KCNQ5: variants seen among roughly 807,000 people sequenced by gnomAD.
KCNQ5 encodes the protein potassium voltage-gated channel subfamily KQT member 5.
In KCNQ5, 30 loss-of-function variants were observed where a neutral mutation model predicts 98.2. That is an observed-to-expected ratio of 0.31 (90% CI 0.23 to 0.41). The LOEUF (loss-of-function observed/expected upper bound fraction) is 0.41, where lower values mean the gene tolerates loss of function less well. KCNQ5 is among the 10% of genes least tolerant of loss of function. The probability of loss-of-function intolerance (pLI) is 1.00; values close to 1 mark genes in which losing one functional copy is unlikely to be tolerated. For missense variants in KCNQ5, 835 were observed against 1,182.5 expected (o/e 0.71, Z 4.31); for synonymous variants, 458 against 449.4 (o/e 1.02, Z -0.24).
At chr6:73,166,437 A>C (rs1651610806) in intron 10 of KCNQ5, among the ~76,000 whole-genome samples, 1 of 94,332 alleles carries the variant, frequency 1.1e-5, no homozygotes, top group African/African-American at 5.2e-5. Context: ...CTCTGTCTCA[A>C]AATAAAAAAA....
intron 1 of KCNQ5, chr6:72,987,664 G>A (rs1448464177): frequency 3.3e-6 from 2 of 614,632 alleles, no homozygotes; most frequent in Non-Finnish European, 5.9e-6. Flanking sequence ...GTACAGCCGC[G>A]GAGCCCGTCT....
chr6:73,026,072 T>A (rs1770877094), intron 2 of KCNQ5, among the ~76,000 whole-genome samples: 1 of 152,226 alleles, frequency 6.6e-6, no homozygotes, highest in African/African-American at 2.4e-5. Context: ...CCAGTTTCCA[T>A]GCCCTGATCC....
chr6:73,146,829 A>G (rs1258451331), intron 10 of KCNQ5, among the ~76,000 whole-genome samples: 1 of 152,068 alleles, frequency 6.6e-6, no homozygotes, highest in Non-Finnish European at 1.5e-5. Context: ...ATTCTAGTCT[A>G]TGAGTTTACC....
intron 1 of KCNQ5, among the ~76,000 whole-genome samples, chr6:72,978,776 C>T (rs1768280449): frequency 1.3e-5 from 2 of 152,186 alleles, no homozygotes; most frequent in Non-Finnish European, 2.9e-5. Flanking sequence ...TTGCTGCACC[C>T]ATTAACTCGT....
intron 1 of KCNQ5, among the ~76,000 whole-genome samples, chr6:72,695,298 C>A (rs1238690854): frequency 6.6e-6 from 1 of 152,050 alleles, no homozygotes; most frequent in Non-Finnish European, 1.5e-5. Flanking sequence ...TTCAAAAGGA[C>A]CTTAGTTTTT....
At chr6:72,861,369 A>G (rs1777756398) in intron 1 of KCNQ5, among the ~76,000 whole-genome samples, 1 of 152,194 alleles carries the variant, frequency 6.6e-6, no homozygotes. Flanking sequence ...TGAAATATGT[A>G]GAAGAAAGAC....
intron 1 of KCNQ5, among the ~76,000 whole-genome samples, chr6:72,713,980 T>C (rs1769507968): frequency 6.6e-6 from 1 of 152,202 alleles, no homozygotes; most frequent in South Asian, 2.1e-4. Context: ...TTTCCCTAAC[T>C]GGAATGAGTT....
chr6:73,098,768 GA>G (rs1286086593), intron 5 of KCNQ5, among the ~76,000 whole-genome samples: 1 of 152,000 alleles, frequency 6.6e-6, no homozygotes, highest in Non-Finnish European at 1.5e-5. Flanking sequence ...TCTTTAGTTT[GA>G]AAGAAAAAAG....
intron 1 of KCNQ5, among the ~76,000 whole-genome samples, chr6:72,772,902 C>G (rs146936283): frequency 6.6e-6 from 1 of 152,222 alleles, no homozygotes; most frequent in Non-Finnish European, 1.5e-5. Context: ...GTCTGCACAC[C>G]TACCACACCT....
At chr6:73,107,466 G>A (rs1775050457) in intron 6 of KCNQ5, among the ~76,000 whole-genome samples, 1 of 152,186 alleles carries the variant, frequency 6.6e-6, no homozygotes, top group Admixed American at 6.5e-5. Flanking sequence ...TCTGTGAGTA[G>A]CAAGCAGACA....
chr6:73,029,464 C>G (rs1234375605), intron 2 of KCNQ5, among the ~76,000 whole-genome samples: 1 of 150,470 alleles, frequency 6.6e-6, no homozygotes, highest in Admixed American at 6.7e-5. Context: ...TTGGAAATTG[C>G]CCAGGTAGTT....
intron 1 of KCNQ5, among the ~76,000 whole-genome samples, chr6:72,832,473 C>T (rs1026009083): frequency 3.3e-5 from 5 of 152,044 alleles, no homozygotes; most frequent in African/African-American, 7.2e-5. Context: ...CACTAAGCAT[C>T]GTGTCATGCA....
At chr6:72,877,216 C>A (rs1163299249) in intron 1 of KCNQ5, among the ~76,000 whole-genome samples, 1 of 152,080 alleles carries the variant, frequency 6.6e-6, no homozygotes, top group Non-Finnish European at 1.5e-5. Context: ...CCTCTCCTTG[C>A]CCCGACCCCC....
chr6:73,181,462 A>T (rs60111089), intron 11 of KCNQ5, among the ~76,000 whole-genome samples: 7,319 of 152,338 alleles, frequency 0.048, 199 homozygotes, highest in East Asian at 0.1. Context: ...CATGAAAGAA[A>T]GGATGAATCA....
intron 2 of KCNQ5, among the ~76,000 whole-genome samples, chr6:73,010,905 T>C (rs1770035858): frequency 6.6e-6 from 1 of 152,046 alleles, no homozygotes; most frequent in Non-Finnish European, 1.5e-5. Flanking sequence ...TCATTCCCTG[T>C]CCATAGTTTT....
chr6:72,914,607 A>C (rs1179893078), intron 1 of KCNQ5, among the ~76,000 whole-genome samples: 1 of 149,282 alleles, frequency 6.7e-6, no homozygotes, highest in African/African-American at 2.5e-5. Flanking sequence ...GTGAAAATAT[A>C]AATTTAAATT....
At chr6:73,021,794 A>G (rs556400334) in intron 2 of KCNQ5, among the ~76,000 whole-genome samples, 18 of 152,286 alleles carry the variant, frequency 1.2e-4, no homozygotes, top group African/African-American at 4.3e-4. Flanking sequence ...TCCAAAAACA[A>G]TTTTTCACTC....
At chr6:72,659,088 T>C (rs1200693150) in intron 1 of KCNQ5, among the ~76,000 whole-genome samples, 3 of 152,242 alleles carry the variant, frequency 2.0e-5, no homozygotes, top group East Asian at 1.9e-4. Context: ...TTTACCTACA[T>C]TTAAGATTGC....
chr6:73,120,564 T>C lies in KCNQ5; in HGVS notation c.1207T>C (p.Cys403Arg). ...WKPHLKALHT[C>R]SPTKKEQGEA... is the part of the protein sequence containing the mutation. The stretch of plus-strand genomic sequence containing the variant: ...GCCACACTTGAAGGCCTTGCACACC[T>C]GCAGCCCTACCAAGTAGGTATCAGT... The change falls in exon 8 of 14, where the codon TGC becomes CGC. Residue 403 changes from cysteine (C) to arginine (R), a missense_variant. Cys to Arg is a radical substitution (Grantham distance 180). Transcript: ENST00000370398. 1 of 1,609,996 alleles carries C rather than the reference T, an allele frequency of 6.2e-7. No individual in the cohort carries two copies. The highest frequency in any genetic ancestry group is 8.5e-7 in the Non-Finnish European group (1 of 1,177,096).
Sources: gnomAD v4.1 joint callset for allele counts (sites outside exome capture counted in the v4.1 genomes callset) on GRCh38, gnomAD v4.1.1 for gene constraint, MANE v1.5 for transcripts, NCBI Gene and HGNC (gene_info 2026-07-23, HGNC 2026-07-21) for gene names.